The following S100A7 variants were observed in gnomAD, a reference collection of about 807,000 sequenced individuals.
The protein encoded by S100A7 is protein S100-A7.
S100A7 carries 2 observed loss-of-function variants against 3.8 expected under a neutral mutation model. The observed-to-expected ratio is 0.53, with a 90% CI of 0.22 to 1.67. The LOEUF is 1.67. S100A7 is among the 40% of genes most tolerant of loss of function. The pLI is 0.20. For missense variants in S100A7, 130 were observed against 126.3 expected, an observed-to-expected ratio of 1.03 and a Z score of -0.14; for synonymous variants, 55 against 45.9, an observed-to-expected ratio of 1.20 and a Z score of -0.80.
intron 1 of S100A7, among the ~76,000 whole-genome samples, chr1:153,460,280 A>G (rs1663796919): frequency 1.3e-5 from 2 of 152,190 alleles, no homozygotes; most frequent in East Asian, 1.9e-4. Context: ...TGGGGAGGGG[A>G]TTTAGCAACC....
chr1:153,459,967 C>T (rs867771292), intron 1 of S100A7: 2 of 152,378 alleles, frequency 1.3e-5, no homozygotes, highest in African/African-American at 4.8e-5. Context: ...TGACAATAAA[C>T]CCCCAACACC....
chr1:153,460,187 G>A (rs1428947807), intron 1 of S100A7, among the ~76,000 whole-genome samples: 4 of 152,188 alleles, frequency 2.6e-5, no homozygotes, highest in African/African-American at 4.8e-5. Context: ...ATGCTGTGTC[G>A]GGGTCCCAGG....
At position 153,458,448 on chromosome 1, in the gene S100A7, G is replaced by GT. The variant is rs560512844; in HGVS notation, c.141+424dup. 1.2e-4 allele frequency among the ~76,000 whole-genome samples: 18 copies of GT among 151,918 alleles called. No homozygotes were observed. The East Asian group carries it at 2.7e-3, about 23-fold the overall frequency. On this transcript the variant is annotated intron_variant, in intron 2 of 2. Coordinates refer to ENST00000368723, the MANE Select transcript of S100A7 (RefSeq NM_002963.4). ...ACCCTTTGGTACCTAGTAGCCCACA[G>GT]TTTTTTTTCAGATTTGCTAATGAGT...
rs764122153 is a variant in S100A7 at position 153,458,943 on chromosome 1, T to G, written c.71A>C (p.Asp24Ala). The change falls in exon 2 of 3, where the codon GAT becomes GCT. Residue 24 changes from aspartate to alanine, a missense_variant. Physicochemically the swap from Asp to Ala is moderately radical, Grantham distance 126. Transcript: ENST00000368723. ...CAGGCTTGGCTTCTCAATCTTGTCA[T>G]CACGTCTGGTGTATTTGTGAAACAT... ...IDMFHKYTRR[D>A]DKIEKPSLLT... is the part of the protein sequence containing the mutation. 1 of 1,614,082 alleles carries G rather than the reference T, an allele frequency of 6.2e-7. No individual in the cohort carries two copies. Among genetic ancestry groups the G allele is most frequent in the Non-Finnish European group, 8.5e-7 (1 of 1,179,960 alleles).
At chr1:153,460,277 G>A (rs1187787169) in intron 1 of S100A7, among the ~76,000 whole-genome samples, 2 of 152,192 alleles carry the variant, frequency 1.3e-5, no homozygotes, top group African/African-American at 4.8e-5. Context: ...AGCTGGGGAG[G>A]GGATTTAGCA....
chr1:153,458,113 G>A (rs1663732524), intron 2 of S100A7, 143 bp from the exon 3 acceptor site: 1 of 903,490 alleles, frequency 1.1e-6, no homozygotes, highest in Non-Finnish European at 1.7e-6. Flanking sequence ...AGGGTGAGTG[G>A]GTGAAGTTGG....
intron 1 of S100A7, among the ~76,000 whole-genome samples, chr1:153,459,264 A>C (rs1005131602): frequency 7.9e-5 from 12 of 152,238 alleles, no homozygotes; most frequent in Non-Finnish European, 1.3e-4. Context: ...TGGATGGCGG[A>C]AGTCCAGCTG....
chr1:153,457,806 T>A lies in S100A7; in HGVS notation c.306A>T (p.Ter102CysextTer?), dbSNP rs1245423803. ...CTGGAGGCCCATTGGTGGGGCTGGG[T>A]CACTGGCTGCCCCCGGAACAGGGCG... is the stretch of plus-strand genomic sequence containing the variant. ...GAAPCSGGSQ* is the reference protein window; with the variant it reads ...GAAPCSGGSQC Residue 102 changes from the stop codon to cysteine (C), a stop_lost, in exon 3 of 3, where the codon TGA (stop) becomes TGT (cysteine). Coordinates refer to ENST00000368723, the MANE Select transcript of S100A7 (RefSeq NM_002963.4). 6.2e-7 allele frequency: 1 copy of A among 1,614,024 alleles called. No homozygotes were observed. Among genetic ancestry groups the A allele is most frequent in the South Asian group, 1.1e-5 (1 of 91,070 alleles).
intron 1 of S100A7, among the ~76,000 whole-genome samples, chr1:153,459,275 T>C (rs757979724): frequency 1.9e-3 from 292 of 152,256 alleles, no homozygotes; most frequent in Admixed American, 4.2e-3. Flanking sequence ...AGTCCAGCTG[T>C]GGACAGTGCT....
At chr1:153,458,185 G>A (rs539345487) in intron 2 of S100A7, among the ~76,000 whole-genome samples, 2 of 152,054 alleles carry the variant, frequency 1.3e-5, no homozygotes, top group Non-Finnish European at 2.9e-5. Context: ...CACACCTCAG[G>A]ATGGGAGGCA....
intron 2 of S100A7, 124 bp from the exon 3 acceptor site, chr1:153,458,094 T>A (rs1263394405): frequency 9.0e-7 from 1 of 1,108,470 alleles, no homozygotes; most frequent in Non-Finnish European, 1.3e-6. Context: ...GTGGCGGGGC[T>A]GAGAGCACAG....
intron 1 of S100A7, chr1:153,460,001 T>G (rs542731587): frequency 2.0e-5 from 3 of 149,044 alleles, no homozygotes; most frequent in Non-Finnish European, 4.4e-5. Flanking sequence ...GAAAGCTCCA[T>G]GCCGGCAACT....
In S100A7 at chr1:153,459,316, G is replaced by A. The variant is rs147994955; in HGVS notation, c.-17-286C>T. Among the ~76,000 whole-genome samples the A allele has an allele frequency of 2.4e-4, 37 of 152,298 alleles. No individual in the cohort carries two copies. In the East Asian group the frequency reaches 5.6e-3, roughly 23 times the overall value. Reference sequence around the variant, plus strand: ...GAGGGAGAAGCAGGGAGAGTCGGGCGCCAGCAACACATGGAAGAACTAAGC... The same window carrying A: ...GAGGGAGAAGCAGGGAGAGTCGGGCACCAGCAACACATGGAAGAACTAAGC... On this transcript the variant is annotated intron_variant, in intron 1 of 2. Transcript: ENST00000368723.
At chr1:153,460,512 G>A (rs986169791) in intron 1 of S100A7, 96 bp downstream of exon 1, 43 of 668,638 alleles carry the variant, frequency 6.4e-5, no homozygotes, top group Non-Finnish European at 1.1e-4. Context: ...CCAGGCTTCT[G>A]AGTCTTTGTC....
rs200309254 is a variant in S100A7 at position 153,459,029 on chromosome 1, G to T, written c.-16C>A. ...TGTTGCTCATCTTTGCTTTCAAAAAGCCTTCAGGAAATAAAGACAATCATT... is the reference window on the plus strand; with the variant it reads ...TGTTGCTCATCTTTGCTTTCAAAAATCCTTCAGGAAATAAAGACAATCATT... On this transcript the variant is annotated splice_region_variant and 5_prime_UTR_variant, in exon 2 of 3. Coordinates refer to ENST00000368723, the MANE Select transcript of S100A7 (RefSeq NM_002963.4). 3.1e-4 allele frequency: 494 copies of T among 1,610,268 alleles called. No individual in the cohort carries two copies. Among genetic ancestry groups the T allele is most frequent in the Non-Finnish European group, 3.9e-4 (463 of 1,178,258 alleles).
chr1:153,457,861 G>A lies in S100A7; in HGVS notation c.251C>T (p.Thr84Ile), dbSNP rs756055414. ...TCCATGGCTCTGCTTGTGGTAGTCT[G>A]TGGCTATGTCTCCCAGCAAGGACAG... is the stretch of plus-strand genomic sequence containing the variant. The part of the protein sequence containing the change: ...EFLSLLGDIA[T>I]DYHKQSHGAA... The change falls in exon 3 of 3, where the codon ACA becomes ATA. Residue 84 changes from threonine to isoleucine, a missense_variant. By Grantham distance (89) the Thr-to-Ile change is moderately conservative. Coordinates refer to ENST00000368723, the MANE Select transcript of S100A7 (RefSeq NM_002963.4). The A allele has an allele frequency of 3.1e-6, 5 of 1,614,186 alleles. No individual in the cohort carries two copies. In the South Asian group the frequency reaches 4.4e-5, roughly 14 times the overall value.
At chr1:153,458,834 A>G in intron 2 of S100A7, 39 bp downstream of exon 2, 1 of 1,609,964 alleles carries the variant, frequency 6.2e-7, no homozygotes, top group Non-Finnish European at 8.5e-7. Context: ...ACATAGCAAA[A>G]TGTATCCTCC....
chr1:153,458,501 T>C (rs1341385659), intron 2 of S100A7, among the ~76,000 whole-genome samples: 1 of 152,148 alleles, frequency 6.6e-6, no homozygotes, highest in Non-Finnish European at 1.5e-5. Context: ...GGGCTATTGA[T>C]TTCTACTAAC....
At chr1:153,458,092 G>T in intron 2 of S100A7, 122 bp from the exon 3 acceptor site, 1 of 1,128,016 alleles carries the variant, frequency 8.9e-7, no homozygotes, top group Non-Finnish European at 1.3e-6. Flanking sequence ...TGGTGGCGGG[G>T]CTGAGAGCAC....
Sources: allele counts gnomAD v4.1 joint callset (sites outside exome capture counted in the v4.1 genomes callset), GRCh38; gene constraint gnomAD v4.1.1; transcripts MANE v1.5; gene names NCBI Gene and HGNC (gene_info 2026-07-23, HGNC 2026-07-21).